FRMD4A: variants seen among roughly 807,000 people sequenced by gnomAD.
The protein encoded by FRMD4A is FERM domain-containing protein 4A.
FRMD4A carries 29 observed loss-of-function variants against 129.1 expected under a neutral mutation model. The observed-to-expected ratio is 0.22, with a 90% confidence interval of 0.17 to 0.31. The LOEUF (loss-of-function observed/expected upper bound fraction) is 0.31, where lower values mean the gene tolerates loss of function less well. Ranked by LOEUF, FRMD4A falls within the 10% of genes least tolerant of loss-of-function variation. The probability of loss-of-function intolerance (pLI) is 1.00; values close to 1 mark genes in which losing one functional copy is unlikely to be tolerated. For synonymous variants in FRMD4A, 634 were observed against 571.6 expected, an observed-to-expected ratio of 1.11 and a Z score of -1.56; for missense variants, 1,272 against 1,375.8, an observed-to-expected ratio of 0.92 and a Z score of 1.19.
At chr10:13,878,595 A>G (rs958975196) in intron 2 of FRMD4A, among the ~76,000 whole-genome samples, 3 of 152,066 alleles carry the variant, frequency 2.0e-5, no homozygotes, top group Non-Finnish European at 4.4e-5. Flanking sequence ...TCTACTAAAA[A>G]TACAAAAATT....
chr10:14,158,526 C>A (rs979249639), intron 2 of FRMD4A, among the ~76,000 whole-genome samples: 1 of 151,872 alleles, frequency 6.6e-6, no homozygotes, highest in Non-Finnish European at 1.5e-5. Flanking sequence ...GCAGGAGGAT[C>A]GCTTGAGCCC....
chr10:14,133,712 T>C (rs1839386044), intron 2 of FRMD4A, among the ~76,000 whole-genome samples: 1 of 151,600 alleles, frequency 6.6e-6, no homozygotes, highest in Admixed American at 6.6e-5. Context: ...GGAGGAGTAA[T>C]CAACCTTCAC....
chr10:13,817,534 C>T lies in FRMD4A; in HGVS notation c.112-6626G>A, dbSNP rs79020551. ...TTGAATTGTAATAATCCCCAGGTGT[C>T]AAGGGCGAGGCCAGGTGGAGATAAC... On this transcript the variant is annotated intron_variant, in intron 3 of 24. Transcript: ENST00000357447. Among the ~76,000 whole-genome samples, 17 of 152,328 alleles carry T rather than the reference C, an allele frequency of 1.1e-4. No homozygotes were observed. The East Asian group carries it at 3.3e-3, about 29-fold the overall frequency.
chr10:13,855,243 G>C (rs1301571156), intron 3 of FRMD4A, among the ~76,000 whole-genome samples: 1 of 152,202 alleles, frequency 6.6e-6, no homozygotes, highest in Non-Finnish European at 1.5e-5. Context: ...CTGTGTGGTT[G>C]TCTGCTTACT....
intron 14 of FRMD4A, among the ~76,000 whole-genome samples, chr10:13,700,116 T>C (rs952312677): frequency 3.9e-5 from 6 of 152,006 alleles, no homozygotes; most frequent in African/African-American, 4.8e-5. Context: ...TTCTTCTTTT[T>C]TTTTTCTTTT....
intron 2 of FRMD4A, among the ~76,000 whole-genome samples, chr10:14,212,274 G>A (rs1048250514): frequency 9.9e-5 from 15 of 152,190 alleles, no homozygotes; most frequent in African/African-American, 3.6e-4. Context: ...TGAAGGACAA[G>A]AGGTTGCACA....
chr10:13,707,179 T>C, intron 12 of FRMD4A, 66 bp from the exon 13 acceptor site: 1 of 990,372 alleles, frequency 1.0e-6, no homozygotes, highest in Non-Finnish European at 1.6e-6. Context: ...TTCCCCTCTC[T>C]GCTGGTTAAC....
chr10:13,888,804 A>C (rs143028029), intron 2 of FRMD4A, among the ~76,000 whole-genome samples: 1 of 152,208 alleles, frequency 6.6e-6, no homozygotes, highest in East Asian at 1.9e-4. Context: ...GTAGTTTAAA[A>C]GAACTTCAAA....
intron 2 of FRMD4A, among the ~76,000 whole-genome samples, chr10:14,049,250 G>A (rs145404753): frequency 4.0e-4 from 61 of 152,260 alleles, no homozygotes; most frequent in African/African-American, 1.3e-3. Context: ...CAATTAAACC[G>A]ATTATAATTA....
Position 14,202,077 on chromosome 10 carries a change from G to C in FRMD4A, c.45+127981C>G, listed in dbSNP as rs536864370. Among the ~76,000 whole-genome samples the C allele has an allele frequency of 2.6e-5, 4 of 152,066 alleles. No individual in the cohort carries two copies. In the East Asian group the frequency reaches 7.8e-4, roughly 30 times the overall value. On this transcript the variant is annotated intron_variant, in intron 2 of 24. Coordinates refer to ENST00000357447, the MANE Select transcript of FRMD4A (RefSeq NM_018027.5). ...TGCTTGAACCCGGGAGGGGGAGGTT[G>C]CAGTGAGCTGAGATCGTGCCATTGT...
chr10:14,068,577 G>A (rs895065585), intron 2 of FRMD4A, among the ~76,000 whole-genome samples: 2 of 152,150 alleles, frequency 1.3e-5, no homozygotes, highest in African/African-American at 2.4e-5. Flanking sequence ...TCTGAAAAAG[G>A]TTATGGGGAT....
At chr10:13,737,628 A>G (rs1467985061) in intron 12 of FRMD4A, among the ~76,000 whole-genome samples, 2 of 152,228 alleles carry the variant, frequency 1.3e-5, no homozygotes, top group Non-Finnish European at 1.5e-5. Context: ...TAATTATAAC[A>G]GCTTAGATTT....
At chr10:13,905,006 A>AAAAAAAG (rs1565009809) in intron 2 of FRMD4A, among the ~76,000 whole-genome samples, 11 of 151,242 alleles carry the variant, frequency 7.3e-5, no homozygotes, top group East Asian at 1.9e-4. Flanking sequence ...AAAAAAAAAA[A>AAAAAAAG]AAAAGAAAAG....
chr10:14,308,097 C>T (rs1378566682), intron 2 of FRMD4A, among the ~76,000 whole-genome samples: 6 of 152,220 alleles, frequency 3.9e-5, no homozygotes, highest in Admixed American at 1.3e-4. Flanking sequence ...CTCAGTCTTT[C>T]AAACAAAGGA....
intron 12 of FRMD4A, among the ~76,000 whole-genome samples, chr10:13,734,290 GT>G (rs34833627): frequency 6.6e-6 from 1 of 152,104 alleles, no homozygotes; most frequent in South Asian, 2.1e-4. Context: ...CTTGTCCTGG[GT>G]TTTTCCTATC....
chr10:14,079,673 C>T (rs896981330), intron 2 of FRMD4A, among the ~76,000 whole-genome samples: 1 of 152,302 alleles, frequency 6.6e-6, no homozygotes, highest in African/African-American at 2.4e-5. Context: ...CAAACACCCA[C>T]GACACTTAGT....
chr10:13,990,920 A>G (rs2095601036), intron 2 of FRMD4A, among the ~76,000 whole-genome samples: 1 of 152,106 alleles, frequency 6.6e-6, no homozygotes, highest in South Asian at 2.1e-4. Context: ...AATTAAACAA[A>G]TCAAAAAGAA....
chr10:14,194,714 A>T (rs905379890), intron 2 of FRMD4A, among the ~76,000 whole-genome samples: 2 of 152,160 alleles, frequency 1.3e-5, no homozygotes, highest in African/African-American at 4.8e-5. Flanking sequence ...GGAATCTCTT[A>T]TTTTATGGTT....
intron 2 of FRMD4A, among the ~76,000 whole-genome samples, chr10:14,142,014 C>T (rs1405875595): frequency 6.6e-6 from 1 of 152,040 alleles, no homozygotes; most frequent in Non-Finnish European, 1.5e-5. Flanking sequence ...AAGAAAGATT[C>T]ATGAGAAAGG....
Sources: allele counts gnomAD v4.1 joint callset (sites outside exome capture counted in the v4.1 genomes callset), GRCh38; gene constraint gnomAD v4.1.1; transcripts MANE v1.5; gene names NCBI Gene and HGNC (gene_info 2026-07-23, HGNC 2026-07-21).